The following TOP2A variants were observed in gnomAD, a reference collection of about 807,000 sequenced individuals.
The protein encoded by TOP2A is DNA topoisomerase 2-alpha.
In TOP2A, 68 loss-of-function variants were observed where a neutral mutation model predicts 187.2. The observed-to-expected ratio is 0.36, with a 90% CI of 0.30 to 0.44. The LOEUF (loss-of-function observed/expected upper bound fraction) is 0.44, where lower values mean the gene tolerates loss of function less well. Ranked by LOEUF, TOP2A falls within the 20% of genes least tolerant of loss-of-function variation. The pLI is 1.00. For synonymous variants in TOP2A, 542 were observed against 593.2 expected (o/e 0.91, Z 1.25); for missense variants, 1,196 against 1,808.7 (o/e 0.66, Z 6.14).
intron 16 of TOP2A, among the ~76,000 whole-genome samples, chr17:40,405,617 G>A (rs923789960): frequency 2.6e-5 from 4 of 151,862 alleles, no homozygotes; most frequent in African/African-American, 9.7e-5. Context: ...ACCAAGCCCG[G>A]CTAATTTTTT....
In TOP2A at chr17:40,396,405, C is replaced by G. The variant is rs778849461; in HGVS notation, c.3598G>C (p.Ala1200Pro). Reference protein sequence around the residue: ...QVGLPGKGGKAKGKKTQMAEV... With the variant: ...QVGLPGKGGKPKGKKTQMAEV... ...GCCATTTGTGTTTTTTTCCCCTTGG[C>G]CTTCCCCCCTTTCCCAGGAAGTCCG... Residue 1200 changes from alanine to proline, a missense_variant, in exon 28 of 35, where the codon GCC (alanine) becomes CCC (proline). Coordinates refer to ENST00000423485, the MANE Select transcript of TOP2A (RefSeq NM_001067.4). 1 of 1,613,898 alleles carries G rather than the reference C, an allele frequency of 6.2e-7. No individual in the cohort carries two copies. The highest frequency in any genetic ancestry group is 8.5e-7 in the Non-Finnish European group (1 of 1,179,868).
At chr17:40,412,293 T>C (rs1446457722) in intron 7 of TOP2A, among the ~76,000 whole-genome samples, 1 of 152,172 alleles carries the variant, frequency 6.6e-6, no homozygotes, top group Non-Finnish European at 1.5e-5. Context: ...AATGAGCTGA[T>C]TAAAAAATGT....
At position 40,404,157 on chromosome 17, in the gene TOP2A, C is replaced by A; in HGVS notation, c.2278G>T (p.Gly760Cys). The change falls in exon 19 of 35, where the codon GGT becomes TGT. Residue 760 changes from glycine (G) to cysteine (C), a missense_variant. By Grantham distance (159) the Gly-to-Cys change is radical (BLOSUM62 -3). Coordinates refer to ENST00000423485, the MANE Select transcript of TOP2A (RefSeq NM_001067.4). ...AACATGGATTGTGTGTTTACCTCAC[C>A]ATGATGATAAGAAGACATTTCAGCC... ...SVAEMSSYHH[G>C]EMSLMMTIIN... 6.2e-7 allele frequency: 1 copy of A among 1,613,250 alleles called. No individual in the cohort carries two copies. The highest frequency in any genetic ancestry group is 1.1e-5 in the South Asian group (1 of 90,956).
In TOP2A at chr17:40,401,034, T is replaced by A; in HGVS notation, c.2480A>T (p.Lys827Met). Reference sequence around the variant, plus strand: ...ACGCTGGTTGTCATCATATAAAAACTTCAACGTGTGATCATCTTTTGGTGG... The same window carrying A: ...ACGCTGGTTGTCATCATATAAAAACATCAACGTGTGATCATCTTTTGGTGG... The part of the protein sequence containing the change: ...LFPPKDDHTL[K>M]FLYDDNQRVE... The change falls in exon 21 of 35, where the codon AAG becomes ATG. Residue 827 changes from lysine to methionine, a missense_variant. By Grantham distance (95) the Lys-to-Met change is moderately conservative. Transcript: ENST00000423485. The A allele has an allele frequency of 6.2e-7, 1 of 1,613,930 alleles. No individual in the cohort carries two copies. Among genetic ancestry groups the A allele is most frequent in the Non-Finnish European group, 8.5e-7 (1 of 1,179,860 alleles).
chr17:40,391,613 C>CCTG lies in TOP2A; in HGVS notation c.4159_4160insCAG (p.Ser1387delinsThrGly). 6.2e-7 allele frequency: 1 copy of CCTG among 1,607,138 alleles called. No homozygotes were observed. Among genetic ancestry groups the CCTG allele is most frequent in the East Asian group, 2.2e-5 (1 of 44,728 alleles). Reference sequence around the variant, plus strand: ...AGGAGGGCTTGAAGACAGTGGTACACTGCCCTTAACATCATCAGCTTCAAG... The same window carrying CCTG: ...AGGAGGGCTTGAAGACAGTGGTACACCTGTGCCCTTAACATCATCAGCTTCAAG... On this transcript the variant is annotated protein_altering_variant, in exon 33 of 35. Coordinates refer to ENST00000423485, the MANE Select transcript of TOP2A (RefSeq NM_001067.4).
At chr17:40,415,142 C>G (rs1423709433) in intron 4 of TOP2A, among the ~76,000 whole-genome samples, 6 of 151,354 alleles carry the variant, frequency 4.0e-5, no homozygotes, top group African/African-American at 1.5e-4. Context: ...GCAAGCTCCA[C>G]CTCCCGGGTT....
intron 27 of TOP2A, 126 bp from the exon 28 acceptor site, chr17:40,396,591 C>G: frequency 8.5e-7 from 1 of 1,171,900 alleles, no homozygotes; most frequent in Non-Finnish European, 1.2e-6. Flanking sequence ...TGCTCCATAA[C>G]CTAGTATACT....
chr17:40,410,248 A>G (rs1478959777), intron 10 of TOP2A, among the ~76,000 whole-genome samples: 1 of 152,208 alleles, frequency 6.6e-6, no homozygotes, highest in Non-Finnish European at 1.5e-5. Flanking sequence ...GACCTAAAGT[A>G]GCCAGGTGAA....
intron 11 of TOP2A, 73 bp downstream of exon 11, chr17:40,408,419 C>T (rs1394296332): frequency 5.7e-6 from 8 of 1,404,904 alleles, no homozygotes; most frequent in Admixed American, 2.3e-5. Flanking sequence ...AAATAAATAT[C>T]CGTGGTATGC....
intron 33 of TOP2A, 64 bp from the exon 34 acceptor site, chr17:40,390,228 G>A (rs1474653070): frequency 7.6e-6 from 11 of 1,438,492 alleles, no homozygotes; most frequent in South Asian, 1.4e-5. Flanking sequence ...TCACTCTATC[G>A]TCCAGGCTGG....
chr17:40,409,023 C>T lies in TOP2A; in HGVS notation c.1204-393G>A, dbSNP rs760822154. ...CGGCCTGGCCAACATGGCGAAACCC[C>T]GGCTCTACTAAAAATACAAAAATTA... On this transcript the variant is annotated intron_variant, in intron 10 of 34. Coordinates refer to ENST00000423485, the MANE Select transcript of TOP2A (RefSeq NM_001067.4). 5.2e-5 allele frequency: 19 copies of T among 362,794 alleles called. No homozygotes were observed. In the East Asian group the frequency reaches 7.0e-4, roughly 13 times the overall value. The allele number at this position is 362,794 out of a possible 1,614,324, so 22.5% of individuals were successfully genotyped here. A position where few individuals can be genotyped will look rare whatever the true frequency, so the allele number is the denominator to read the frequency against.
In TOP2A at chr17:40,396,427, T is replaced by G; in HGVS notation, c.3576A>C (p.Gly1192=). 6.2e-7 allele frequency: 1 copy of G among 1,613,898 alleles called. No homozygotes were observed. Among genetic ancestry groups the G allele is most frequent in the South Asian group, 1.1e-5 (1 of 91,068 alleles). Residue 1192 remains glycine (G), a synonymous_variant, in exon 28 of 35, where the codon GGA becomes GGC. Coordinates refer to ENST00000423485, the MANE Select transcript of TOP2A (RefSeq NM_001067.4). ...TGGCCTTCCCCCCTTTCCCAGGAAG[T>G]CCGACTTGTTCATCTTGTTTTTCCT... The part of the protein sequence containing the change: ...EAKEKQDEQV[G]LPGKGGKAKG...
chr17:40,412,421 G>A (rs781663230), intron 7 of TOP2A, among the ~76,000 whole-genome samples: 2 of 152,094 alleles, frequency 1.3e-5, no homozygotes, highest in East Asian at 1.9e-4. Context: ...CAAGACGGGT[G>A]GATCATGAGG....
chr17:40,398,006 A>G (rs948495895), intron 27 of TOP2A, among the ~76,000 whole-genome samples: 3 of 151,506 alleles, frequency 2.0e-5, no homozygotes, highest in Admixed American at 6.6e-5. Context: ...TCGAACTCCC[A>G]ACCTCAGGTG....
In TOP2A at chr17:40,394,954, A is replaced by G. The variant is rs550948865; in HGVS notation, c.3811+495T>C. ...AATTAACAAACTACTTCATTACAAA[A>G]TATTTTCTATAATGAATCAAATCCC... On this transcript the variant is annotated intron_variant, in intron 29 of 34. Transcript: ENST00000423485. Among the ~76,000 whole-genome samples the G allele has an allele frequency of 2.6e-5, 4 of 152,324 alleles. No individual in the cohort carries two copies. The East Asian group carries it at 7.7e-4, about 29-fold the overall frequency.
At chr17:40,398,741 A>G in intron 26 of TOP2A, 32 bp downstream of exon 26, 1 of 1,605,676 alleles carries the variant, frequency 6.2e-7, no homozygotes, top group Non-Finnish European at 8.5e-7. Flanking sequence ...GAACAAAACT[A>G]AGCAGCATGT....
Position 40,400,546 on chromosome 17 carries a change from C to T in TOP2A, c.2782G>A (p.Val928Ile), listed in dbSNP as rs202231304. 9.1e-5 allele frequency: 146 copies of T among 1,609,078 alleles called. No individual in the cohort carries two copies. The African/African-American group carries it at 1.1e-3, about 12-fold the overall frequency. The change falls in exon 22 of 35, where the codon GTC (valine) becomes ATC (isoleucine). Residue 928 changes from valine (V) to isoleucine (I), a missense_variant. Val to Ile is a conservative substitution (Grantham distance 29). Around this residue, in one of 10 missense-constraint regions of TOP2A, gnomAD observed 232 missense variants for 306.1 expected, o/e 0.76. Transcript: ENST00000423485. ...STTIEISELPVRTWTQTYKEQ... is the reference protein window; with the variant it reads ...STTIEISELPIRTWTQTYKEQ... ...TTATTTACCTGGGTCCATGTTCTGA[C>T]GGGAAGCTCTGAGATTTCAATGGTT...
Position 40,406,450 on chromosome 17 carries a change from T to C in TOP2A, c.1887A>G (p.Ala629=). The C allele has an allele frequency of 6.2e-7, 1 of 1,613,876 alleles. No homozygotes were observed. Residue 629 remains alanine, a synonymous_variant, in exon 16 of 35, where the codon GCA becomes GCG. Transcript: ENST00000423485. Reference sequence around the variant, plus strand: ...ACTGGATACGATGTCTTTTCATATCTGCAAAGTATTCTTTAGCTTCCTTTG... The same window carrying C: ...ACTGGATACGATGTCTTTTCATATCCGCAAAGTATTCTTTAGCTTCCTTTG... The part of the protein sequence containing the change: ...STSKEAKEYF[A]DMKRHRIQFK...
In TOP2A at chr17:40,411,778, T is replaced by G; in HGVS notation, c.830A>C (p.Asp277Ala). The G allele has an allele frequency of 9.3e-6, 15 of 1,608,330 alleles. No individual in the cohort carries two copies. The highest frequency in any genetic ancestry group is 1.3e-5 in the Non-Finnish European group (15 of 1,178,286). ...FRSYVDMYLK[D>A]KLDETGNSLK... is the part of the protein sequence containing the mutation. ...GGAGTTACCAGTTTCATCCAACTTG[T>G]CCTTCAAATACATGTCCACATAACT... is the stretch of plus-strand genomic sequence containing the variant. The change falls in exon 8 of 35, where the codon GAC (aspartate) becomes GCC (alanine). Residue 277 changes from aspartate to alanine, a missense_variant. By Grantham distance (126) the Asp-to-Ala change is moderately radical (BLOSUM62 -2). Around this residue, in one of 10 missense-constraint regions of TOP2A, gnomAD observed 252 missense variants for 434.8 expected, o/e 0.58. Transcript: ENST00000423485. This position sits in a 1 kb window ranked among gnomAD's most constrained non-coding sequence, Gnocchi z 4.4.
Sources: gnomAD v4.1 joint callset for allele counts (sites outside exome capture counted in the v4.1 genomes callset) on GRCh38, gnomAD v4.1.1 for gene constraint, gnomAD v4.1.1 regional missense constraint, Gnocchi (gnomAD v3.1) non-coding constraint, MANE v1.5 for transcripts, NCBI Gene and HGNC (gene_info 2026-07-23, HGNC 2026-07-21) for gene names.